The following VPS8 variants were observed in gnomAD, a reference collection of about 807,000 sequenced individuals.
The protein encoded by VPS8 is vacuolar protein sorting-associated protein 8 homolog.
VPS8 carries 129 observed loss-of-function variants against 216.4 expected under a neutral mutation model. That is an observed-to-expected ratio of 0.60 (90% CI 0.52 to 0.69). The LOEUF is 0.69. VPS8 is among the 30% of genes least tolerant of loss of function. The pLI is 0.00. For missense variants in VPS8, 1,531 were observed against 1,683.5 expected (o/e 0.91, Z 1.59); for synonymous variants, 571 against 565.4 (o/e 1.01, Z -0.14).
chr3:184,860,413 GTA>G (rs201561591), intron 15 of VPS8, among the ~76,000 whole-genome samples: 26 of 147,826 alleles, frequency 1.8e-4, no homozygotes, highest in Admixed American at 1.4e-3. Flanking sequence ...ACGTATATAT[GTA>G]TATATATGTA....
chr3:184,920,545 T>C (rs1348834777), intron 29 of VPS8, among the ~76,000 whole-genome samples: 1 of 152,222 alleles, frequency 6.6e-6, no homozygotes, highest in Non-Finnish European at 1.5e-5. Context: ...CTGTGTCTCA[T>C]GCCAACTTCA....
rs1193648949 is a variant in VPS8, at chr3:184,849,211, C to T, written c.666+16C>T. On this transcript the variant is annotated intron_variant, in intron 9 of 47. Transcript: ENST00000625842. ...TAAAGGACAGGTAAGATATGAACCTCCTTTAATTCATAAGACAATGTTAAA... is the reference window on the plus strand; with the variant it reads ...TAAAGGACAGGTAAGATATGAACCTTCTTTAATTCATAAGACAATGTTAAA... 1 of 1,605,184 alleles carries T rather than the reference C, an allele frequency of 6.2e-7. No homozygotes were observed. Among genetic ancestry groups the T allele is most frequent in the Non-Finnish European group, 8.5e-7 (1 of 1,176,510 alleles).
chr3:184,865,183 C>G (rs1344869371), intron 16 of VPS8, among the ~76,000 whole-genome samples: 1 of 152,136 alleles, frequency 6.6e-6, no homozygotes, highest in Non-Finnish European at 1.5e-5. Context: ...GAGACCACAT[C>G]AGATAGCCTA....
intron 1 of VPS8, among the ~76,000 whole-genome samples, chr3:184,817,998 G>A (rs1397472053): frequency 6.6e-6 from 1 of 152,154 alleles, no homozygotes; most frequent in Non-Finnish European, 1.5e-5. Flanking sequence ...AGTTTGAACG[G>A]TGCCCAGAAG....
intron 46 of VPS8, among the ~76,000 whole-genome samples, chr3:185,045,743 G>GGTGT (rs142517718): frequency 6.7e-6 from 1 of 148,664 alleles, no homozygotes; most frequent in Non-Finnish European, 1.5e-5. Context: ...CTCCAGCCTG[G>GGTGT]GTGACAGAGC....
chr3:184,835,561 T>G (rs1720877696), intron 5 of VPS8, among the ~76,000 whole-genome samples: 1 of 152,212 alleles, frequency 6.6e-6, no homozygotes, highest in African/African-American at 2.4e-5. Context: ...CAATTTTGGT[T>G]TTCTGAGTAC....
At chr3:185,025,002 C>A (rs1166570063) in intron 46 of VPS8, among the ~76,000 whole-genome samples, 5 of 149,954 alleles carry the variant, frequency 3.3e-5, no homozygotes, top group African/African-American at 1.0e-4. Context: ...AACTCCATCT[C>A]AAAAAAAGAA....
chr3:184,982,471 C>A, intron 40 of VPS8, 95 bp from the exon 41 acceptor site: 1 of 818,938 alleles, frequency 1.2e-6, no homozygotes, highest in Non-Finnish European at 1.9e-6. Context: ...TACGTTTCAA[C>A]CTGTAAAACA....
chr3:184,867,370 C>T (rs547948103), intron 17 of VPS8, among the ~76,000 whole-genome samples: 1 of 152,284 alleles, frequency 6.6e-6, no homozygotes, highest in South Asian at 2.1e-4. Context: ...TTCTGTACCT[C>T]AATTTATCTC....
At chr3:184,908,444 G>A (rs1343122067) in intron 25 of VPS8, among the ~76,000 whole-genome samples, 3 of 152,266 alleles carry the variant, frequency 2.0e-5, no homozygotes, top group African/African-American at 7.2e-5. Context: ...TCCATGTGAG[G>A]CCCGCGGTCT....
chr3:184,848,703 G>A (rs1471173423), intron 8 of VPS8, among the ~76,000 whole-genome samples: 1 of 151,714 alleles, frequency 6.6e-6, no homozygotes, highest in Non-Finnish European at 1.5e-5. Context: ...GGAGTAGCTG[G>A]GACTACAGGC....
Position 184,971,632 on chromosome 3 carries a change from A to G in VPS8, c.3317-17A>G, listed in dbSNP as rs749624190. 6.3e-6 allele frequency: 10 copies of G among 1,596,256 alleles called. No homozygotes were observed. The highest frequency in any genetic ancestry group is 7.7e-6 in the Non-Finnish European group (9 of 1,167,468). ...CAACATATCCTTAAATGATGTTTAC[A>G]CTTTTTCTAAATCTAGATACCAAAG... On this transcript the variant is annotated splice_polypyrimidine_tract_variant and intron_variant, in intron 39 of 47. Transcript: ENST00000625842.
At position 185,048,520 on chromosome 3, in the gene VPS8, A is replaced by T. The variant is rs779784200; in HGVS notation, c.4098A>T (p.Ala1366=). The T allele has an allele frequency of 6.2e-7, 1 of 1,614,014 alleles. No individual in the cohort carries two copies. Among genetic ancestry groups the T allele is most frequent in the South Asian group, 1.1e-5 (1 of 91,088 alleles). The change falls in exon 47 of 48, where the codon GCA becomes GCT. Residue 1366 remains alanine, a synonymous_variant. Coordinates refer to ENST00000625842, the MANE Select transcript of VPS8 (RefSeq NM_001009921.3). ...TTCTGGATCCACAGCAAATCCAAGC[A>T]TTTGATCAGCTTTGCCGTCTCTACC... ...EPVLDPQQIQ[A]FDQLCRLYRG... is the part of the protein sequence containing the mutation.
Position 184,924,854 on chromosome 3 carries a change from C to T in VPS8, c.2455-8C>T, listed in dbSNP as rs1044606217. 12 of 1,606,862 alleles carry T rather than the reference C, an allele frequency of 7.5e-6. No homozygotes were observed. The highest frequency in any genetic ancestry group is 1.0e-5 in the Non-Finnish European group (12 of 1,177,770). ...TGTATTGAATAAATGGTCTCCTTTG[C>T]TCTTCAGGTTATGGTGGAGAATTCA... On this transcript the variant is annotated splice_region_variant and splice_polypyrimidine_tract_variant and intron_variant, in intron 29 of 47. Coordinates refer to ENST00000625842, the MANE Select transcript of VPS8 (RefSeq NM_001009921.3).
intron 8 of VPS8, among the ~76,000 whole-genome samples, chr3:184,848,822 G>A (rs1723681926): frequency 6.6e-6 from 1 of 152,014 alleles, no homozygotes; most frequent in South Asian, 2.1e-4. Flanking sequence ...ACCCACCTCG[G>A]CCTTCCAAAA....
At chr3:184,846,230 A>G (rs1294115726) in intron 8 of VPS8, among the ~76,000 whole-genome samples, 1 of 152,178 alleles carries the variant, frequency 6.6e-6, no homozygotes, top group African/African-American at 2.4e-5. Context: ...AATCCAGAAA[A>G]AAGTTGAGAA....
In VPS8 at chr3:184,941,154, A is replaced by G. The variant is rs77065950; in HGVS notation, c.3035+911A>G. Among the ~76,000 whole-genome samples, 778 of 150,182 alleles carry G rather than the reference A, an allele frequency of 5.2e-3. 5 individuals carry two copies. The highest frequency in any genetic ancestry group is 0.012 in the African/African-American group (510 of 41,064). ...TACTTACGTTAGCAATTGTAATATC[A>G]GCTTTGGTTATTTCCGTGTTCTGTG... is the stretch of plus-strand genomic sequence containing the variant. On this transcript the variant is annotated intron_variant, in intron 36 of 47. Coordinates refer to ENST00000625842, the MANE Select transcript of VPS8 (RefSeq NM_001009921.3).
rs142177718 is a variant in VPS8, at chr3:184,997,726, G to T, written c.3836+1225G>T. Among the ~76,000 whole-genome samples, 7 of 152,248 alleles carry T rather than the reference G, an allele frequency of 4.6e-5. No individual in the cohort carries two copies. In the East Asian group the frequency reaches 1.4e-3, roughly 29 times the overall value. ...TTAAAGGAGATACAGAGTGTTTGGT[G>T]GGGGGTGCAGATATTTTATATAGGT... is the stretch of plus-strand genomic sequence containing the variant. On this transcript the variant is annotated intron_variant, in intron 44 of 47. Transcript: ENST00000625842.
chr3:184,919,218 A>G (rs1463343037), intron 28 of VPS8: 1 of 152,154 alleles, frequency 6.6e-6, no homozygotes, highest in Non-Finnish European at 1.5e-5. Context: ...ATGGCTGTGA[A>G]ATTCCTTTTT....
Sources: gnomAD v4.1 joint callset for allele counts (sites outside exome capture counted in the v4.1 genomes callset) on GRCh38, gnomAD v4.1.1 for gene constraint, MANE v1.5 for transcripts, NCBI Gene and HGNC (gene_info 2026-07-23, HGNC 2026-07-21) for gene names.